PLXNA4: variants seen among roughly 807,000 people sequenced by gnomAD.
PLXNA4 encodes the protein plexin-A4.
PLXNA4 carries 44 observed loss-of-function variants against 191.8 expected under a neutral mutation model. The observed-to-expected ratio is 0.23, with a 90% CI of 0.18 to 0.29. The LOEUF (loss-of-function observed/expected upper bound fraction) is 0.29. PLXNA4 is among the 10% of genes least tolerant of loss of function. The pLI is 1.00. For missense variants in PLXNA4, 1,800 were observed against 2,488.8 expected, an observed-to-expected ratio of 0.72 and a Z score of 5.89; for synonymous variants, 1,082 against 1,009.5, an observed-to-expected ratio of 1.07 and a Z score of -1.36.
intron 4 of PLXNA4, among the ~76,000 whole-genome samples, chr7:132,255,539 T>C (rs1562994347): frequency 6.6e-6 from 1 of 152,136 alleles, no homozygotes; most frequent in Non-Finnish European, 1.5e-5. Flanking sequence ...ACTTTAAAGG[T>C]TTCCAGATGT....
At chr7:132,245,280 C>T (rs1310439731) in intron 4 of PLXNA4, among the ~76,000 whole-genome samples, 1 of 152,204 alleles carries the variant, frequency 6.6e-6, no homozygotes, top group Non-Finnish European at 1.5e-5. Flanking sequence ...TAGATTGTCT[C>T]AGAGACCACA....
chr7:132,289,901 C>G (rs1030814060), intron 4 of PLXNA4, among the ~76,000 whole-genome samples: 3 of 151,838 alleles, frequency 2.0e-5, no homozygotes, highest in Non-Finnish European at 4.4e-5. Context: ...GTTTCCTAAA[C>G]GAATGAATGA....
At chr7:132,197,870 A>G (rs148614089) in intron 13 of PLXNA4, among the ~76,000 whole-genome samples, 2 of 152,342 alleles carry the variant, frequency 1.3e-5, no homozygotes, top group East Asian at 1.9e-4. Flanking sequence ...TGGAATATAG[A>G]TTCTATGATG....
At chr7:132,204,257 G>C (rs962723493) in intron 10 of PLXNA4, among the ~76,000 whole-genome samples, 1 of 152,190 alleles carries the variant, frequency 6.6e-6, no homozygotes, top group African/African-American at 2.4e-5. Flanking sequence ...TGGTGGAGGG[G>C]GCAGTCCCCA....
intron 4 of PLXNA4, among the ~76,000 whole-genome samples, chr7:132,250,298 C>A (rs549085154): frequency 1.7e-4 from 26 of 152,300 alleles, no homozygotes; most frequent in South Asian, 1.7e-3. Flanking sequence ...CTTCACTCCA[C>A]TATACCTAGT....
At chr7:132,379,086 G>C (rs1804782641) in intron 3 of PLXNA4, among the ~76,000 whole-genome samples, 1 of 152,132 alleles carries the variant, frequency 6.6e-6, no homozygotes, top group South Asian at 2.1e-4. Context: ...CCTGACTTCA[G>C]ATGATCCGTC....
Position 132,309,153 on chromosome 7 carries a change from C to G in PLXNA4, c.1372-10931G>C, listed in dbSNP as rs73723774. Among the ~76,000 whole-genome samples the G allele has an allele frequency of 6.0e-3, 918 of 152,214 alleles. 4 individuals carry two copies. The highest frequency in any genetic ancestry group is 0.027 in the Middle Eastern group (8 of 294). ...AAGCTACAGGAATTGTCTAGGAAAC[C>G]CTGAGTCTGCTTTAACTCAGGAGAG... On this transcript the variant is annotated intron_variant, in intron 3 of 31. Coordinates refer to ENST00000321063, the MANE Select transcript of PLXNA4 (RefSeq NM_020911.2).
At chr7:132,213,407 G>A (rs929818408) in intron 9 of PLXNA4, among the ~76,000 whole-genome samples, 1 of 152,222 alleles carries the variant, frequency 6.6e-6, no homozygotes, top group African/African-American at 2.4e-5. Flanking sequence ...ATAAAACAAT[G>A]AAGAGGAGCA....
At chr7:132,401,915 G>C (rs1036722124) in intron 3 of PLXNA4, among the ~76,000 whole-genome samples, 6 of 152,156 alleles carry the variant, frequency 3.9e-5, no homozygotes, top group African/African-American at 1.4e-4. Flanking sequence ...AAGCAAAAGA[G>C]GGGGAGGCTG....
intron 4 of PLXNA4, among the ~76,000 whole-genome samples, chr7:132,253,778 G>A (rs1288556694): frequency 6.6e-6 from 1 of 152,052 alleles, no homozygotes; most frequent in Non-Finnish European, 1.5e-5. Flanking sequence ...GAAGCTTCCT[G>A]CAGAAAACCC....
chr7:132,268,480 G>C (rs1483740453), intron 4 of PLXNA4, among the ~76,000 whole-genome samples: 3 of 152,216 alleles, frequency 2.0e-5, no homozygotes, highest in African/African-American at 7.2e-5. Context: ...TTGAAATTTT[G>C]TTTGGATCAC....
At chr7:132,157,326 T>G (rs983014165) in intron 25 of PLXNA4, among the ~76,000 whole-genome samples, 2 of 152,198 alleles carry the variant, frequency 1.3e-5, no homozygotes, top group African/African-American at 4.8e-5. Context: ...CAGGAGCGAC[T>G]GTGCCTGCTT....
At chr7:132,259,170 A>G (rs1415703632) in intron 4 of PLXNA4, among the ~76,000 whole-genome samples, 5 of 152,160 alleles carry the variant, frequency 3.3e-5, no homozygotes, top group African/African-American at 1.2e-4. Context: ...ACCCTAAATG[A>G]ATAGCACAGA....
intron 3 of PLXNA4, among the ~76,000 whole-genome samples, chr7:132,382,450 C>G (rs998583692): frequency 1.6e-4 from 24 of 152,146 alleles, no homozygotes; most frequent in African/African-American, 5.8e-4. Flanking sequence ...GATGGCTGTT[C>G]AAGCTCGCCC....
At chr7:132,423,232 T>G (rs996887283) in intron 3 of PLXNA4, among the ~76,000 whole-genome samples, 22 of 152,240 alleles carry the variant, frequency 1.4e-4, no homozygotes, top group African/African-American at 5.3e-4. Flanking sequence ...CATCTTTCAC[T>G]TTTACATCAA....
intron 3 of PLXNA4, among the ~76,000 whole-genome samples, chr7:132,483,906 T>G (rs985478606): frequency 1.4e-4 from 21 of 152,024 alleles, no homozygotes; most frequent in Non-Finnish European, 2.8e-4. Flanking sequence ...TTGGCTGCAG[T>G]AGAAATTTCA....
intron 3 of PLXNA4, chr7:132,485,089 A>G: frequency 6.3e-7 from 1 of 1,580,046 alleles, no homozygotes; most frequent in East Asian, 2.3e-5. Context: ...AATCTACATG[A>G]CAATTCCCAA....
At chr7:132,604,154 G>C (rs1173588404) in intron 2 of PLXNA4, among the ~76,000 whole-genome samples, 5 of 152,058 alleles carry the variant, frequency 3.3e-5, no homozygotes, top group African/African-American at 1.2e-4. Flanking sequence ...CTGGCGGGGG[G>C]CACCTAACAC....
At chr7:132,154,467 A>G (rs1795736158) in intron 25 of PLXNA4, among the ~76,000 whole-genome samples, 2 of 151,904 alleles carry the variant, frequency 1.3e-5, no homozygotes, top group South Asian at 4.2e-4. Flanking sequence ...TGGTGCTTAA[A>G]AGAAGAAGTT....
Sources: allele counts gnomAD v4.1 joint callset (sites outside exome capture counted in the v4.1 genomes callset), GRCh38; gene constraint gnomAD v4.1.1; transcripts MANE v1.5; gene names NCBI Gene and HGNC (gene_info 2026-07-23, HGNC 2026-07-21).